JARID2: variants seen among roughly 807,000 people sequenced by gnomAD.
JARID2 encodes protein Jumonji.
Under a neutral mutation model 125.6 loss-of-function variants are expected in JARID2, and 21 were observed. The observed-to-expected ratio is 0.17, with a 90% confidence interval of 0.12 to 0.24. The LOEUF is 0.24. JARID2 is among the 10% of genes least tolerant of loss of function. The pLI, the probability that JARID2 is intolerant of heterozygous loss-of-function variation, is 1.00. For synonymous variants in JARID2, 736 were observed against 661.6 expected, an observed-to-expected ratio of 1.11 and a Z score of -1.73; for missense variants, 1,303 against 1,639.6, an observed-to-expected ratio of 0.79 and a Z score of 3.55.
chr6:15,497,658 A>G (rs993986551), intron 7 of JARID2, among the ~76,000 whole-genome samples: 2 of 151,464 alleles, frequency 1.3e-5, no homozygotes, highest in African/African-American at 4.9e-5. Flanking sequence ...CTCAAAAAAA[A>G]AAAAAAAGTA....
At chr6:15,510,817 G>T (rs1168352196) in intron 12 of JARID2, among the ~76,000 whole-genome samples, 15 of 152,244 alleles carry the variant, frequency 9.9e-5, no homozygotes, top group Non-Finnish European at 1.9e-4. Context: ...GTAGAGGGCA[G>T]GGTTTACTGT....
intron 5 of JARID2, among the ~76,000 whole-genome samples, chr6:15,476,581 A>G (rs1349231020): frequency 6.6e-6 from 1 of 152,256 alleles, no homozygotes; most frequent in Admixed American, 6.5e-5. Flanking sequence ...ATGGAAATGG[A>G]TTTATTAAAA....
chr6:15,251,054 C>T (rs533766918), intron 1 of JARID2, among the ~76,000 whole-genome samples: 1 of 151,834 alleles, frequency 6.6e-6, no homozygotes, highest in South Asian at 2.1e-4. Flanking sequence ...GGGTCTTGCT[C>T]AGCCACCCAG....
chr6:15,469,270 C>CTCTCTG (rs1295002138), intron 5 of JARID2, among the ~76,000 whole-genome samples: 1 of 112,566 alleles, frequency 8.9e-6, no homozygotes, highest in Non-Finnish European at 1.8e-5. Context: ...TTCTCTCTGT[C>CTCTCTG]TCTCTGTCTC....
intron 2 of JARID2, among the ~76,000 whole-genome samples, chr6:15,409,530 A>G (rs954799135): frequency 2.0e-5 from 3 of 152,208 alleles, no homozygotes; most frequent in African/African-American, 4.8e-5. Context: ...GAATACTTCC[A>G]TATCAGTTAG....
intron 1 of JARID2, among the ~76,000 whole-genome samples, chr6:15,372,864 A>G (rs1764224634): frequency 6.6e-6 from 1 of 151,992 alleles, no homozygotes; most frequent in Non-Finnish European, 1.5e-5. Flanking sequence ...GCGTGCCACC[A>G]CGCCTGGCTA....
At chr6:15,360,213 C>A (rs1482858728) in intron 1 of JARID2, among the ~76,000 whole-genome samples, 1 of 151,764 alleles carries the variant, frequency 6.6e-6, no homozygotes, top group African/African-American at 2.4e-5. Context: ...GACTGAGTCT[C>A]ACTGTGTAGC....
intron 4 of JARID2, among the ~76,000 whole-genome samples, chr6:15,455,323 G>C (rs1044361281): frequency 6.6e-6 from 1 of 151,658 alleles, no homozygotes; most frequent in African/African-American, 2.4e-5. Context: ...ATGATTTTGT[G>C]ATACATGTAA....
At chr6:15,345,777 C>G (rs1763223978) in intron 1 of JARID2, among the ~76,000 whole-genome samples, 1 of 152,122 alleles carries the variant, frequency 6.6e-6, no homozygotes, top group East Asian at 1.9e-4. Context: ...ACATGGGCAA[C>G]ATTGTAGTTC....
intron 1 of JARID2, among the ~76,000 whole-genome samples, chr6:15,282,934 A>G (rs1760814784): frequency 6.6e-6 from 1 of 151,192 alleles, no homozygotes; most frequent in Non-Finnish European, 1.5e-5. Flanking sequence ...ACTTTTTGTC[A>G]GAGCACTTCA....
chr6:15,468,458 C>G, intron 4 of JARID2, 84 bp from the exon 5 acceptor site: 1 of 1,239,240 alleles, frequency 8.1e-7, no homozygotes, highest in Non-Finnish European at 1.1e-6. Context: ...TTTTTCTCCT[C>G]GGTTTTGTTT....
At chr6:15,254,764 G>A (rs554177629) in intron 1 of JARID2, among the ~76,000 whole-genome samples, 1 of 152,156 alleles carries the variant, frequency 6.6e-6, no homozygotes, top group Non-Finnish European at 1.5e-5. Context: ...ACAGGGCCGG[G>A]CGCGGTGGCT....
At chr6:15,473,659 T>C (rs1054997483) in intron 5 of JARID2, among the ~76,000 whole-genome samples, 1 of 152,226 alleles carries the variant, frequency 6.6e-6, no homozygotes, top group East Asian at 1.9e-4. Flanking sequence ...ATGTATTTGT[T>C]GTCCCTTTGT....
chr6:15,272,853 G>A (rs949575836), intron 1 of JARID2, among the ~76,000 whole-genome samples: 1 of 152,074 alleles, frequency 6.6e-6, no homozygotes, highest in Non-Finnish European at 1.5e-5. Context: ...TTTATTTGTT[G>A]TTATGATTTT....
chr6:15,412,324 G>C (rs1765913067), intron 3 of JARID2, among the ~76,000 whole-genome samples: 1 of 151,998 alleles, frequency 6.6e-6, no homozygotes, highest in Non-Finnish European at 1.5e-5. Flanking sequence ...GGGGGGTTGA[G>C]GGAGACAAGA....
chr6:15,367,285 T>C (rs1000792510), intron 1 of JARID2, among the ~76,000 whole-genome samples: 26 of 152,232 alleles, frequency 1.7e-4, no homozygotes, highest in African/African-American at 6.3e-4. Flanking sequence ...TTTTCATCTT[T>C]GTTTCCTTCT....
Position 15,476,764 on chromosome 6 carries a change from G to C in JARID2, c.670+8046G>C, listed in dbSNP as rs540255702. ...AATGATTCTAAAAATGGAGCCCTTA[G>C]GTAATGACTATTTGGAAACCAAATA... On this transcript the variant is annotated intron_variant, in intron 5 of 17. Transcript: ENST00000341776. Among the ~76,000 whole-genome samples, 102 of 152,260 alleles carry C rather than the reference G, an allele frequency of 6.7e-4. No individual in the cohort carries two copies. In the Middle Eastern group the frequency reaches 0.01, roughly 15 times the overall value.
At chr6:15,359,144 T>C (rs1763703583) in intron 1 of JARID2, among the ~76,000 whole-genome samples, 1 of 152,150 alleles carries the variant, frequency 6.6e-6, no homozygotes, top group Non-Finnish European at 1.5e-5. Context: ...CTTCAGGAGC[T>C]CAAGGATTAT....
chr6:15,269,278 G>GC (rs1284953791), intron 1 of JARID2, among the ~76,000 whole-genome samples: 12 of 152,190 alleles, frequency 7.9e-5, no homozygotes, highest in African/African-American at 2.6e-4. Flanking sequence ...ATTCTTGTTG[G>GC]GGGGGGCGGA....
Sources: allele counts gnomAD v4.1 joint callset (sites outside exome capture counted in the v4.1 genomes callset), GRCh38; gene constraint gnomAD v4.1.1; transcripts MANE v1.5; gene names NCBI Gene and HGNC (gene_info 2026-07-23, HGNC 2026-07-21).